Variants in SBF2 observed in about 807,000 individuals in gnomAD.
SBF2 encodes the protein SET binding factor 2.
In SBF2, 112 loss-of-function variants were observed where a neutral mutation model predicts 225.2. That is an observed-to-expected ratio of 0.50 (90% confidence interval 0.43 to 0.58). The LOEUF is 0.58. Among genes scored for constraint, SBF2 ranks in the 20% least tolerant of loss-of-function variants. The pLI, the probability that SBF2 is intolerant of heterozygous loss-of-function variation, is 0.00. For synonymous variants in SBF2, 763 were observed against 773.3 expected (o/e 0.99, Z 0.22); for missense variants, 1,996 against 2,206.2 (o/e 0.90, Z 1.91).
At chr11:10,219,160 C>A (rs1470882271) in intron 1 of SBF2, among the ~76,000 whole-genome samples, 1 of 152,226 alleles carries the variant, frequency 6.6e-6, no homozygotes, top group Non-Finnish European at 1.5e-5. Flanking sequence ...TAGCAAACTT[C>A]TGCCTGGACA....
chr11:10,063,858 C>CACACACACAGAGAG (rs373423157), intron 2 of SBF2, among the ~76,000 whole-genome samples: 153 of 136,222 alleles, frequency 1.1e-3, no homozygotes, highest in Middle Eastern at 0.011. Flanking sequence ...CACACACACA[C>CACACACACAGAGAG]AGAGAGAGAG....
intron 2 of SBF2, among the ~76,000 whole-genome samples, chr11:10,062,447 A>G (rs1950485169): frequency 1.3e-5 from 2 of 152,222 alleles, no homozygotes; most frequent in African/African-American, 4.8e-5. Context: ...GCATCTGACA[A>G]AGGTCCAATA....
Position 10,028,652 on chromosome 11 carries a change from G to A in SBF2, c.514-95C>T, listed in dbSNP as rs1437766359. On this transcript the variant is annotated intron_variant, in intron 5 of 39. Coordinates refer to ENST00000256190, the MANE Select transcript of SBF2 (RefSeq NM_030962.4). ...TTCGATGTTCATTTTTAGAGCAAAC[G>A]ACCATGTAAGATCCAATTAACAGAT... 4 of 818,632 alleles carry A rather than the reference G, an allele frequency of 4.9e-6. No homozygotes were observed. The Admixed American group carries it at 7.1e-5, about 15-fold the overall frequency. 50.7% of individuals were successfully genotyped at this position (818,632 alleles called of 1,614,324 possible). A position where few individuals can be genotyped will look rare whatever the true frequency, so the allele number is the denominator to read the frequency against.
At chr11:10,068,716 T>C (rs1363961379) in intron 2 of SBF2, among the ~76,000 whole-genome samples, 5 of 152,078 alleles carry the variant, frequency 3.3e-5, no homozygotes, top group Non-Finnish European at 7.4e-5. Context: ...ACTAATATTA[T>C]TACCGACTCA....
intron 16 of SBF2, among the ~76,000 whole-genome samples, chr11:9,914,342 T>A (rs898098826): frequency 6.6e-6 from 1 of 152,152 alleles, no homozygotes; most frequent in Non-Finnish European, 1.5e-5. Flanking sequence ...GGTAGACCGG[T>A]CATGGCTGAG....
intron 16 of SBF2, among the ~76,000 whole-genome samples, chr11:9,904,828 C>A (rs1482507716): frequency 6.6e-6 from 1 of 152,072 alleles, no homozygotes; most frequent in East Asian, 1.9e-4. Flanking sequence ...AGTTCAAGAC[C>A]AGCCTGAGTG....
intron 22 of SBF2, 26 bp from the exon 23 acceptor site, chr11:9,847,109 A>T (rs780646490): frequency 6.2e-7 from 1 of 1,613,458 alleles, no homozygotes; most frequent in Non-Finnish European, 8.5e-7. Context: ...ACACAGCTTC[A>T]GCAACAACAC....
At chr11:10,151,957 T>C (rs898629836) in intron 2 of SBF2, among the ~76,000 whole-genome samples, 21 of 152,362 alleles carry the variant, frequency 1.4e-4, no homozygotes, top group African/African-American at 4.8e-4. Context: ...CAATAAACTA[T>C]ATTTTTAGTT....
chr11:10,272,537 C>T (rs1336921437), intron 1 of SBF2, among the ~76,000 whole-genome samples: 1 of 152,220 alleles, frequency 6.6e-6, no homozygotes, highest in African/African-American at 2.4e-5. Flanking sequence ...CGCCTGTAAT[C>T]CCAGCACTAC....
intron 1 of SBF2, among the ~76,000 whole-genome samples, chr11:10,280,547 T>C (rs1413288558): frequency 2.0e-5 from 3 of 152,202 alleles, no homozygotes; most frequent in Non-Finnish European, 2.9e-5. Context: ...CAAAAAATAG[T>C]CTTTTTACCC....
At chr11:10,265,921 T>C (rs887456205) in intron 1 of SBF2, among the ~76,000 whole-genome samples, 1 of 152,154 alleles carries the variant, frequency 6.6e-6, no homozygotes, top group Non-Finnish European at 1.5e-5. Context: ...GGTCTCATTT[T>C]GTTGCCCAGG....
intron 17 of SBF2, among the ~76,000 whole-genome samples, chr11:9,867,663 A>G (rs548775865): frequency 1.3e-5 from 2 of 152,382 alleles, no homozygotes; most frequent in Admixed American, 6.5e-5. Flanking sequence ...TGGTATATAT[A>G]CATAGTGGAA....
At chr11:10,140,168 T>C (rs1954572710) in intron 2 of SBF2, among the ~76,000 whole-genome samples, 1 of 152,180 alleles carries the variant, frequency 6.6e-6, no homozygotes, top group Non-Finnish European at 1.5e-5. Flanking sequence ...GGTCTGTGAC[T>C]AGAAACACAG....
At chr11:9,799,923 C>A (rs1853382993) in intron 32 of SBF2, among the ~76,000 whole-genome samples, 1 of 152,178 alleles carries the variant, frequency 6.6e-6, no homozygotes, top group Non-Finnish European at 1.5e-5. Context: ...GAAATCAGTA[C>A]AAATGTTTTG....
chr11:9,790,207 GA>G (rs1388196284), intron 34 of SBF2, among the ~76,000 whole-genome samples: 1 of 152,210 alleles, frequency 6.6e-6, no homozygotes, highest in Non-Finnish European at 1.5e-5. Context: ...TGAACTTAAA[GA>G]AACCTTTTCT....
At chr11:10,051,491 A>G (rs771968724) in intron 2 of SBF2, among the ~76,000 whole-genome samples, 8 of 152,246 alleles carry the variant, frequency 5.3e-5, no homozygotes, top group Non-Finnish European at 1.0e-4. Context: ...TAATGTGACC[A>G]CAGCTCAAAT....
chr11:9,972,184 A>C (rs1946491074), intron 13 of SBF2, among the ~76,000 whole-genome samples: 1 of 152,176 alleles, frequency 6.6e-6, no homozygotes, highest in African/African-American at 2.4e-5. Context: ...TAAGGAAGAT[A>C]ATAATATAGT....
intron 15 of SBF2, among the ~76,000 whole-genome samples, chr11:9,963,090 C>T (rs547109993): frequency 6.6e-6 from 1 of 152,196 alleles, no homozygotes; most frequent in Non-Finnish European, 1.5e-5. Flanking sequence ...TAAGGAGGCA[C>T]ATTTAAGTTC....
intron 16 of SBF2, among the ~76,000 whole-genome samples, chr11:9,905,669 G>A (rs894780077): frequency 2.6e-5 from 4 of 152,108 alleles, no homozygotes; most frequent in African/African-American, 9.7e-5. Context: ...CTTTGTTGGA[G>A]CCCAGTTACT....
Sources: gnomAD v4.1 joint callset for allele counts (sites outside exome capture counted in the v4.1 genomes callset) on GRCh38, gnomAD v4.1.1 for gene constraint, MANE v1.5 for transcripts, NCBI Gene and HGNC (gene_info 2026-07-23, HGNC 2026-07-21) for gene names.